The following PDCD1LG2 variants were observed in gnomAD, a reference collection of about 807,000 sequenced individuals.
PDCD1LG2 encodes the protein B7 dendritic cell molecule.
PDCD1LG2 carries 32 observed loss-of-function variants against 28.2 expected under a neutral mutation model. That is an observed-to-expected ratio of 1.13 (90% confidence interval 0.86 to 1.52). The LOEUF is 1.52. Ranked by LOEUF, PDCD1LG2 falls within the 40% of genes most tolerant of loss-of-function variation. PDCD1LG2 has a pLI of 0.00. For synonymous variants in PDCD1LG2, 116 were observed against 120.2 expected, an observed-to-expected ratio of 0.97 and a Z score of 0.23; for missense variants, 385 against 323.8, an observed-to-expected ratio of 1.19 and a Z score of -1.45.
At chr9:5,547,135 C>A (rs1011369755) in intron 3 of PDCD1LG2, among the ~76,000 whole-genome samples, 2 of 152,102 alleles carry the variant, frequency 1.3e-5, no homozygotes, top group African/African-American at 4.8e-5. Flanking sequence ...ACATAGAAAA[C>A]AATAAGTAAA....
chr9:5,566,094 G>A (rs1816660395), intron 6 of PDCD1LG2, among the ~76,000 whole-genome samples: 1 of 149,850 alleles, frequency 6.7e-6, no homozygotes, highest in Non-Finnish European at 1.5e-5. Context: ...ATTATGAGGA[G>A]AGTGTACAGC....
chr9:5,545,587 C>G (rs1485686886), intron 3 of PDCD1LG2, among the ~76,000 whole-genome samples: 1 of 152,166 alleles, frequency 6.6e-6, no homozygotes, highest in Non-Finnish European at 1.5e-5. Flanking sequence ...GAACACATAA[C>G]AATCCTAAAT....
intron 2 of PDCD1LG2, among the ~76,000 whole-genome samples, chr9:5,525,608 A>T (rs72705459): frequency 0.09 from 13,744 of 151,964 alleles, 727 homozygotes; most frequent in African/African-American, 0.15. Flanking sequence ...AAAACATGTA[A>T]CTACATCTAT....
At chr9:5,555,350 G>C (rs1232962525) in intron 4 of PDCD1LG2, among the ~76,000 whole-genome samples, 1 of 152,178 alleles carries the variant, frequency 6.6e-6, no homozygotes, top group African/African-American at 2.4e-5. Flanking sequence ...CCAGGAGGCG[G>C]AGGTTGCAGT....
Position 5,569,842 on chromosome 9 carries a change from C to T in PDCD1LG2, c.817-112C>T. 2 of 1,075,042 alleles carry T rather than the reference C, an allele frequency of 1.9e-6. No homozygotes were observed. Among genetic ancestry groups the T allele is most frequent in the Non-Finnish European group, 2.8e-6 (2 of 704,982 alleles). The allele number at this position is 1,075,042 out of a possible 1,614,324, so 66.6% of individuals were successfully genotyped here. A position where few individuals can be genotyped will look rare whatever the true frequency, so the allele number is the denominator to read the frequency against. On this transcript the variant is annotated intron_variant, in intron 6 of 6. Coordinates refer to ENST00000397747, the MANE Select transcript of PDCD1LG2 (RefSeq NM_025239.4). This position sits in a 1 kb window ranked among gnomAD's most constrained non-coding sequence, Gnocchi z 4.1. ...GAAAAGTTTTAAACCATGCGGCTTC[C>T]AGCTAGATGAACTTTTTTAAAAAAA...
intron 3 of PDCD1LG2, among the ~76,000 whole-genome samples, chr9:5,538,742 T>C (rs573877633): frequency 1.3e-5 from 2 of 151,066 alleles, no homozygotes; most frequent in African/African-American, 2.4e-5. Context: ...TGTGAAAACA[T>C]GATTACAAGC....
At chr9:5,568,269 G>A (rs1368855120) in intron 6 of PDCD1LG2, among the ~76,000 whole-genome samples, 12 of 152,202 alleles carry the variant, frequency 7.9e-5, no homozygotes, top group Admixed American at 7.9e-4. Context: ...CGGTACCAGT[G>A]GCCTGTTAGG....
intron 4 of PDCD1LG2, among the ~76,000 whole-genome samples, chr9:5,552,368 C>T (rs1445686949): frequency 2.0e-5 from 3 of 152,254 alleles, no homozygotes; most frequent in African/African-American, 7.2e-5. Context: ...AGCAGAGTAT[C>T]CCCTGCTAGA....
chr9:5,548,974 A>G (rs1034535637), intron 3 of PDCD1LG2, among the ~76,000 whole-genome samples: 2 of 152,194 alleles, frequency 1.3e-5, no homozygotes, highest in African/African-American at 2.4e-5. Context: ...AGAAGCCACA[A>G]ATTGTGGTAG....
Position 5,569,885 on chromosome 9 carries a change from T to A in PDCD1LG2, c.817-69T>A, listed in dbSNP as rs2129974642. 1 of 1,523,498 alleles carries A rather than the reference T, an allele frequency of 6.6e-7. No individual in the cohort carries two copies. Among genetic ancestry groups the A allele is most frequent in the South Asian group, 1.1e-5 (1 of 87,404 alleles). 94.4% of individuals were successfully genotyped at this position (1,523,498 alleles called of 1,614,324 possible). A position where few individuals can be genotyped will look rare whatever the true frequency, so the allele number is the denominator to read the frequency against. On this transcript the variant is annotated intron_variant, in intron 6 of 6. Coordinates refer to ENST00000397747, the MANE Select transcript of PDCD1LG2 (RefSeq NM_025239.4). The surrounding 1 kb of genome is among the most constrained non-coding windows in gnomAD (Gnocchi z 4.1). ...TAAAAAAATTAGTTCCTCACTCAAATTTTGGGGAGGTTATATATTTTCTAA... is the reference window on the plus strand; with the variant it reads ...TAAAAAAATTAGTTCCTCACTCAAAATTTGGGGAGGTTATATATTTTCTAA...
intron 6 of PDCD1LG2, among the ~76,000 whole-genome samples, chr9:5,565,178 AAATTT>A (rs1364037073): frequency 6.6e-6 from 1 of 152,052 alleles, no homozygotes; most frequent in Non-Finnish European, 1.5e-5. Context: ...TGCTTTTTTA[AAATTT>A]AATTCAATTT....
At chr9:5,545,380 T>C (rs1297529885) in intron 3 of PDCD1LG2, among the ~76,000 whole-genome samples, 1 of 152,270 alleles carries the variant, frequency 6.6e-6, no homozygotes, top group East Asian at 1.9e-4. Flanking sequence ...TTGCTTGGCA[T>C]GAAGAAAATC....
chr9:5,532,657 C>T (rs572600892), intron 2 of PDCD1LG2, among the ~76,000 whole-genome samples: 1 of 152,318 alleles, frequency 6.6e-6, no homozygotes, highest in East Asian at 1.9e-4. Context: ...CAGTGGGAAT[C>T]ATTCAAGCAG....
chr9:5,551,462 C>G (rs1369500658), intron 4 of PDCD1LG2, among the ~76,000 whole-genome samples: 4 of 152,100 alleles, frequency 2.6e-5, no homozygotes, highest in Non-Finnish European at 1.5e-5. Flanking sequence ...GTGTGGACAA[C>G]AGAAACTCAA....
At chr9:5,554,647 G>C (rs774264499) in intron 4 of PDCD1LG2, among the ~76,000 whole-genome samples, 2 of 152,222 alleles carry the variant, frequency 1.3e-5, no homozygotes, top group South Asian at 2.1e-4. Flanking sequence ...TTTTGAAATA[G>C]GGTTTCTTCT....
At position 5,525,822 on chromosome 9, in the gene PDCD1LG2, G is replaced by A. The variant is rs573058913; in HGVS notation, c.55+3221G>A. ...CCAGCACTTTGGGAGGCCAAGGTGG[G>A]CAGATCACGAGGTCAGGAGACCGAG... On this transcript the variant is annotated intron_variant, in intron 2 of 6. Coordinates refer to ENST00000397747, the MANE Select transcript of PDCD1LG2 (RefSeq NM_025239.4). 1.6e-3 allele frequency among the ~76,000 whole-genome samples: 240 copies of A among 152,218 alleles called. 2 individuals carry two copies. The highest frequency in any genetic ancestry group is 2.7e-3 in the East Asian group (14 of 5,174).
chr9:5,537,688 A>G (rs7043677), intron 3 of PDCD1LG2, among the ~76,000 whole-genome samples: 12,077 of 152,174 alleles, frequency 0.079, 1,559 homozygotes, highest in African/African-American at 0.27. Flanking sequence ...ATGAGAACAC[A>G]TGGACACAGG....
intron 4 of PDCD1LG2, among the ~76,000 whole-genome samples, chr9:5,553,643 G>T (rs1816381190): frequency 6.6e-6 from 1 of 152,132 alleles, no homozygotes; most frequent in Non-Finnish European, 1.5e-5. Flanking sequence ...AGTTAACAGT[G>T]GAGTAAAATG....
chr9:5,538,299 T>G (rs1820621002), intron 3 of PDCD1LG2, among the ~76,000 whole-genome samples: 1 of 152,196 alleles, frequency 6.6e-6, no homozygotes, highest in African/African-American at 2.4e-5. Flanking sequence ...CTTTTGTTTG[T>G]AAGAGCTTAT....
Sources: gnomAD v4.1 joint callset for allele counts (sites outside exome capture counted in the v4.1 genomes callset) on GRCh38, gnomAD v4.1.1 for gene constraint, Gnocchi (gnomAD v3.1) non-coding constraint, MANE v1.5 for transcripts, NCBI Gene and HGNC (gene_info 2026-07-23, HGNC 2026-07-21) for gene names.